Variants in NUBP1 observed in about 807,000 individuals in gnomAD.
NUBP1 encodes NUBP iron-sulfur cluster assembly factor 1, cytosolic.
NUBP1 carries 46 observed loss-of-function variants against 41.8 expected under a neutral mutation model. The ratio of observed to expected loss-of-function variants is 1.10; its 90% CI spans 0.87 to 1.41. NUBP1 has a LOEUF of 1.41. Ranked by LOEUF, NUBP1 falls within the 40% of genes most tolerant of loss-of-function variation. The pLI is 0.00. For synonymous variants in NUBP1, 189 were observed against 154.6 expected, an observed-to-expected ratio of 1.22 and a Z score of -1.65; for missense variants, 494 against 414.0, an observed-to-expected ratio of 1.19 and a Z score of -1.68.
At chr16:10,746,924 TG>T (rs1900087774) in intron 2 of NUBP1, among the ~76,000 whole-genome samples, 1 of 152,180 alleles carries the variant, frequency 6.6e-6, no homozygotes, top group Non-Finnish European at 1.5e-5. Flanking sequence ...GAGACAAACG[TG>T]TAAACCAATA....
rs566213410 is a variant in NUBP1 at position 10,744,050 on chromosome 16, G to A, written c.109G>A (p.Ala37Thr). 2.2e-4 allele frequency: 345 copies of A among 1,581,630 alleles called. 3 individuals carry two copies. The South Asian group carries it at 3.6e-3, about 17-fold the overall frequency. ...NQRLCASGAG[A>T]TPDTAIEEIK... ...GCGGCTGTGCGCTTCTGGAGCGGGG[G>A]CCACTCCGGACACGGGTGAGAAAAG... Residue 37 changes from alanine (A) to threonine (T), a missense_variant, in exon 2 of 11, where the codon GCC becomes ACC. Ala to Thr is a moderately conservative substitution (Grantham distance 58). Transcript: ENST00000283027.
chr16:10,755,343 C>T (rs1900501387), intron 4 of NUBP1, among the ~76,000 whole-genome samples: 2 of 152,202 alleles, frequency 1.3e-5, no homozygotes, highest in African/African-American at 4.8e-5. Flanking sequence ...TCCCTTCACT[C>T]CTGTGCTTTT....
intron 3 of NUBP1, among the ~76,000 whole-genome samples, 179 bp downstream of exon 3, chr16:10,747,455 A>G (rs1359297560): frequency 1.3e-5 from 2 of 152,234 alleles, no homozygotes; most frequent in East Asian, 3.8e-4. Flanking sequence ...CCAACATGGC[A>G]AAACCTTGTC....
At chr16:10,745,651 GA>G (rs1291999038) in intron 2 of NUBP1, among the ~76,000 whole-genome samples, 2 of 152,194 alleles carry the variant, frequency 1.3e-5, no homozygotes, top group Non-Finnish European at 2.9e-5. Context: ...ATTAAAAGGG[GA>G]AAAAGCATGC....
intron 6 of NUBP1, 77 bp downstream of exon 6, chr16:10,756,857 C>A: frequency 8.6e-7 from 1 of 1,166,198 alleles, no homozygotes; most frequent in Non-Finnish European, 1.2e-6. Flanking sequence ...TGCTCCCTGT[C>A]CTGCCAGTCT....
intron 6 of NUBP1, among the ~76,000 whole-genome samples, 193 bp downstream of exon 6, chr16:10,756,973 A>C (rs1900603463): frequency 6.6e-6 from 1 of 152,144 alleles, no homozygotes; most frequent in Non-Finnish European, 1.5e-5. Context: ...CGTAATTATA[A>C]ATATCTGCTG....
chr16:10,744,624 C>G (rs925615234), intron 2 of NUBP1, among the ~76,000 whole-genome samples: 1 of 152,226 alleles, frequency 6.6e-6, no homozygotes, highest in Non-Finnish European at 1.5e-5. Flanking sequence ...GGGAAACAAA[C>G]ACGTGAGCTA....
In NUBP1 at chr16:10,761,841, C is replaced by G. The variant is rs1416264228; in HGVS notation, c.802C>G (p.Pro268Ala). 1 of 1,613,912 alleles carries G rather than the reference C, an allele frequency of 6.2e-7. No homozygotes were observed. The highest frequency in any genetic ancestry group is 2.2e-5 in the East Asian group (1 of 44,862). The change falls in exon 9 of 11, where the codon CCC (proline) becomes GCC (alanine). Residue 268 changes from proline (P) to alanine (A), a missense_variant. Pro to Ala is a conservative substitution (Grantham distance 27). Coordinates refer to ENST00000283027, the MANE Select transcript of NUBP1 (RefSeq NM_002484.4). ...GGAGGTCCCTCTCCTCGGCAGAGTGCCCCTGGATCCGCTCATAGGTGGGTG... is the reference window on the plus strand; with the variant it reads ...GGAGGTCCCTCTCCTCGGCAGAGTGGCCCTGGATCCGCTCATAGGTGGGTG... ...DLEVPLLGRV[P>A]LDPLIGKNCD...
Position 10,765,298 on chromosome 16 carries a change from T to G in NUBP1, c.821-2651T>G, listed in dbSNP as rs1325235496. 2.2e-5 allele frequency among the ~76,000 whole-genome samples: 3 copies of G among 137,848 alleles called. No individual in the cohort carries two copies. The highest frequency in any genetic ancestry group is 8.2e-5 in the African/African-American group (3 of 36,556). 90.4% of individuals were successfully genotyped at this position (137,848 alleles called of 152,430 possible). A position where few individuals can be genotyped will look rare whatever the true frequency, so the allele number is the denominator to read the frequency against. On this transcript the variant is annotated intron_variant, in intron 9 of 10. Transcript: ENST00000283027. This position sits in a 1 kb window ranked among gnomAD's most constrained non-coding sequence, Gnocchi z 4.0. ...ACACACACACAACCATGCTCTAGCC[T>G]GGGTAACACAGGAAGATACCTCATC...
chr16:10,758,648 G>A (rs1022291376), intron 7 of NUBP1, among the ~76,000 whole-genome samples: 1 of 152,186 alleles, frequency 6.6e-6, no homozygotes, highest in Non-Finnish European at 1.5e-5. Context: ...TTCATACTGT[G>A]CTGCCTGGCC....
At position 10,768,954 on chromosome 16, in the gene NUBP1, C is replaced by A; in HGVS notation, c.905-93C>A. On this transcript the variant is annotated intron_variant, in intron 10 of 10. Transcript: ENST00000283027. This position sits in a 1 kb window ranked among gnomAD's most constrained non-coding sequence, Gnocchi z 4.3. ...TATGGAACTAGCCAGAGGATTCCAC[C>A]CCTGTCAAAACACAGCCCTCCCCAG... 9.0e-7 allele frequency: 1 copy of A among 1,111,098 alleles called. No individual in the cohort carries two copies. The highest frequency in any genetic ancestry group is 1.4e-6 in the Non-Finnish European group (1 of 734,850). The allele number at this position is 1,111,098 out of a possible 1,614,324, so 68.8% of individuals were successfully genotyped here.
At chr16:10,762,355 A>C (rs762170378) in intron 9 of NUBP1, among the ~76,000 whole-genome samples, 25 of 152,174 alleles carry the variant, frequency 1.6e-4, no homozygotes, top group Non-Finnish European at 3.4e-4. Flanking sequence ...TTCCCAAAAA[A>C]TGCTCTTCTT....
chr16:10,756,211 T>A (rs1157616536), intron 5 of NUBP1, among the ~76,000 whole-genome samples: 1 of 152,058 alleles, frequency 6.6e-6, no homozygotes, highest in Non-Finnish European at 1.5e-5. Context: ...AAATCCCATC[T>A]CTACTAAAGA....
At chr16:10,750,927 G>T (rs1217798846) in intron 3 of NUBP1, among the ~76,000 whole-genome samples, 2 of 152,196 alleles carry the variant, frequency 1.3e-5, no homozygotes, top group Non-Finnish European at 2.9e-5. Flanking sequence ...GGTCCTGCTG[G>T]GAGGAACGCA....
At position 10,767,709 on chromosome 16, in the gene NUBP1, C is replaced by T. The variant is rs2031106280; in HGVS notation, c.821-240C>T. The T allele has an allele frequency of 1.8e-6, 1 of 565,752 alleles. No individual in the cohort carries two copies. The highest frequency in any genetic ancestry group is 2.1e-5 in the South Asian group (1 of 47,556). 35.0% of individuals were successfully genotyped at this position (565,752 alleles called of 1,614,324 possible). ...TGCTGAATCAGTTCTCTGTAGGGCC[C>T]TGGAACCTGCATTTTCTGTACACCA... On this transcript the variant is annotated intron_variant, in intron 9 of 10. Coordinates refer to ENST00000283027, the MANE Select transcript of NUBP1 (RefSeq NM_002484.4). The surrounding 1 kb of genome is among the most constrained non-coding windows in gnomAD (Gnocchi z 4.6).
rs939837291 is a variant in NUBP1 at position 10,769,176 on chromosome 16, C to G, written c.*71C>G. ...ACTGGGCAGCACATCCAGCCAGACC[C>G]GACCAGCTCCGGGATGGGGTGGGTC... On this transcript the variant is annotated 3_prime_UTR_variant, in exon 11 of 11. Coordinates refer to ENST00000283027, the MANE Select transcript of NUBP1 (RefSeq NM_002484.4). 2.1e-6 allele frequency: 3 copies of G among 1,424,796 alleles called. No homozygotes were observed. The South Asian group carries it at 3.5e-5, about 17-fold the overall frequency. The allele number at this position is 1,424,796 out of a possible 1,614,324, so 88.3% of individuals were successfully genotyped here. A position where few individuals can be genotyped will look rare whatever the true frequency, so the allele number is the denominator to read the frequency against.
Position 10,768,931 on chromosome 16 carries a change from T to C in NUBP1, c.905-116T>C, listed in dbSNP as rs554847034. ...GGCATCACAGACACAGGTCTTTTTA[T>C]GGAACTAGCCAGAGGATTCCACCCC... On this transcript the variant is annotated intron_variant, in intron 10 of 10. Transcript: ENST00000283027. The surrounding 1 kb of genome is among the most constrained non-coding windows in gnomAD (Gnocchi z 4.3). The C allele has an allele frequency of 6.4e-5, 54 of 848,422 alleles. No homozygotes were observed. The South Asian group carries it at 7.7e-4, about 12-fold the overall frequency. The allele number at this position is 848,422 out of a possible 1,614,324, so 52.6% of individuals were successfully genotyped here.
At chr16:10,752,056 C>T (rs1433672109) in intron 3 of NUBP1, among the ~76,000 whole-genome samples, 1 of 152,266 alleles carries the variant, frequency 6.6e-6, no homozygotes, top group Non-Finnish European at 1.5e-5. Context: ...GCGTGAGCCA[C>T]TGCACCCAGC....
At position 10,768,120 on chromosome 16, in the gene NUBP1, G is replaced by C. The variant is rs1353110962; in HGVS notation, c.904+88G>C. On this transcript the variant is annotated intron_variant, in intron 10 of 10. Coordinates refer to ENST00000283027, the MANE Select transcript of NUBP1 (RefSeq NM_002484.4). The surrounding 1 kb of genome is among the most constrained non-coding windows in gnomAD (Gnocchi z 4.3). ...CAGGGGTGTGGAAGGACAGGTGGGT[G>C]GTGGGGTCTGTGATGACCACAGAGT... is the stretch of plus-strand genomic sequence containing the variant. 3 of 1,293,868 alleles carry C rather than the reference G, an allele frequency of 2.3e-6. No individual in the cohort carries two copies. Among genetic ancestry groups the C allele is most frequent in the East Asian group, 2.3e-5 (1 of 43,002 alleles). 80.1% of individuals were successfully genotyped at this position (1,293,868 alleles called of 1,614,324 possible).
Sources: gnomAD v4.1 joint callset for allele counts (sites outside exome capture counted in the v4.1 genomes callset) on GRCh38, gnomAD v4.1.1 for gene constraint, Gnocchi (gnomAD v3.1) non-coding constraint, MANE v1.5 for transcripts, NCBI Gene and HGNC (gene_info 2026-07-23, HGNC 2026-07-21) for gene names.